MUC22: variants seen among roughly 807,000 people sequenced by gnomAD.
The protein encoded by MUC22 is mucin 22.
In MUC22, 24 loss-of-function variants were observed where a neutral mutation model predicts 40.3. The ratio of observed to expected loss-of-function variants is 0.60; its 90% CI spans 0.43 to 0.84. MUC22 has a LOEUF of 0.84. Ranked by LOEUF, MUC22 falls within the 40% of genes least tolerant of loss-of-function variation. The pLI, the probability that MUC22 is intolerant of heterozygous loss-of-function variation, is 0.00. For missense variants in MUC22, 1,926 were observed against 2,130.7 expected, an observed-to-expected ratio of 0.90 and a Z score of 1.89; for synonymous variants, 765 against 844.5, an observed-to-expected ratio of 0.91 and a Z score of 1.63.
intron 1 of MUC22, among the ~76,000 whole-genome samples, chr6:31,024,449 A>AT (rs9278843): frequency 6.0e-5 from 9 of 151,236 alleles, no homozygotes; most frequent in Admixed American, 2.0e-4. Context: ...AGAATTTGTG[A>AT]TTTTTTTTTT....
chr6:31,011,057 G>T lies in MUC22; in HGVS notation c.70+281G>T, dbSNP rs28360975. Among the ~76,000 whole-genome samples, 31,750 of 151,654 alleles carry T rather than the reference G, an allele frequency of 0.21. 4,129 individuals are homozygous for T. Among genetic ancestry groups the T allele is most frequent in the African/African-American group, 0.36 (15,006 of 41,218 alleles). On this transcript the variant is annotated intron_variant, in intron 1 of 3. Transcript: ENST00000561890. This position sits in a 1 kb window ranked among gnomAD's most constrained non-coding sequence, Gnocchi z 4.5. ...GTGGGGCGGTGCTGGGGAAATGGAG[G>T]GGGGTGAGATTTTACTTTCCTTTGT...
exon 2 of MUC22, chr6:31,028,827 C>T: frequency 6.5e-7 from 1 of 1,532,788 alleles, no homozygotes; most frequent in Non-Finnish European, 8.7e-7. Flanking sequence ...CTACCATAGG[C>T]TCTGAGACCA....
chr6:31,023,535 ACT>A (rs1765040430), intron 1 of MUC22, among the ~76,000 whole-genome samples: 1 of 152,084 alleles, frequency 6.6e-6, no homozygotes, highest in Non-Finnish European at 1.5e-5. Context: ...ACAGAGCAAG[ACT>A]CTGTCTCTAA....
Position 31,027,914 on chromosome 6 carries a change from ACT to A in MUC22, c.2486_2487del (p.Ser829TyrfsTer2). 6.6e-7 allele frequency: 1 copy of A among 1,508,170 alleles called. No individual in the cohort carries two copies. The allele number at this position is 1,508,170 out of a possible 1,614,324, so 93.4% of individuals were successfully genotyped here. A position where few individuals can be genotyped will look rare whatever the true frequency, so the allele number is the denominator to read the frequency against. ...ACCACAGGTGCTGAGACCACCACAG[ACT>A]CTACTGAAGGCTCTGGGACCACTGC... On this transcript the variant is annotated frameshift_variant, in exon 2 of 4. Transcript: ENST00000561890. LOFTEE classifies it high-confidence loss of function.
chr6:31,007,887 G>C (rs1763614318), upstream of MUC22, among the ~76,000 whole-genome samples: 2 of 152,186 alleles, frequency 1.3e-5, no homozygotes, highest in African/African-American at 4.8e-5. This position sits in a 1 kb window ranked among gnomAD's most constrained non-coding sequence, Gnocchi z 4.0. Flanking sequence ...GGACCAGTCA[G>C]CTCCACTCGA....
chr6:31,008,158 G>C (rs1763630328), upstream of MUC22, among the ~76,000 whole-genome samples: 1 of 152,216 alleles, frequency 6.6e-6, no homozygotes, highest in African/African-American at 2.4e-5. Context: ...AAGAGCACAG[G>C]CTCTGCAGCT....
chr6:31,014,843 T>A (rs944623823), intron 1 of MUC22, among the ~76,000 whole-genome samples: 4 of 152,144 alleles, frequency 2.6e-5, no homozygotes, highest in Non-Finnish European at 4.4e-5. Context: ...TTTGTATTAT[T>A]TTATGATACA....
At chr6:31,018,685 G>A (rs1301438791) in intron 1 of MUC22, among the ~76,000 whole-genome samples, 2 of 152,218 alleles carry the variant, frequency 1.3e-5, no homozygotes, top group African/African-American at 4.8e-5. Flanking sequence ...ATGCAAATCT[G>A]TTTTCAATAA....
chr6:31,014,376 A>G (rs983055382), intron 1 of MUC22, among the ~76,000 whole-genome samples: 30 of 117,912 alleles, frequency 2.5e-4, no homozygotes, highest in African/African-American at 8.5e-4. Flanking sequence ...GCCTCTGTCC[A>G]ACCAGAGCAA....
chr6:31,014,642 G>A (rs1467237783), intron 1 of MUC22, among the ~76,000 whole-genome samples: 2 of 152,140 alleles, frequency 1.3e-5, no homozygotes, highest in Non-Finnish European at 2.9e-5. Flanking sequence ...AGGAGATCCC[G>A]AAAGTGGCTT....
chr6:31,017,854 C>T (rs866504919), intron 1 of MUC22, among the ~76,000 whole-genome samples: 1 of 152,350 alleles, frequency 6.6e-6, no homozygotes. Context: ...CTTGGGTACT[C>T]TTCTATAGTG....
chr6:31,026,975 C>T (rs1765440432), exon 2 of MUC22: 2 of 1,493,760 alleles, frequency 1.3e-6, no homozygotes, highest in African/African-American at 1.4e-5. Flanking sequence ...GATTCTGAAA[C>T]CAACACAGCA....
At chr6:31,018,409 A>G (rs1581618287) in intron 1 of MUC22, among the ~76,000 whole-genome samples, 1 of 152,314 alleles carries the variant, frequency 6.6e-6, no homozygotes, top group East Asian at 1.9e-4. Flanking sequence ...ATTCCACAGA[A>G]TTAATAATCT....
rs532065538 is a variant in MUC22 at position 31,032,427 on chromosome 6, C to T, written c.4901C>T (p.Pro1634Leu). The change falls in exon 3 of 4, where the codon CCG becomes CTG. Residue 1634 changes from proline to leucine, a missense_variant. Coordinates refer to ENST00000561890, the Ensembl canonical transcript of MUC22. The surrounding 1 kb of genome is among the most constrained non-coding windows in gnomAD (Gnocchi z 4.1). The stretch of plus-strand genomic sequence containing the variant: ...AGCAGCACCTTCCAGGAAACAGGCC[C>T]GGTGTCCATGGGCACAAACACAGTT... 64 of 1,535,714 alleles carry T rather than the reference C, an allele frequency of 4.2e-5. No homozygotes were observed. The highest frequency in any genetic ancestry group is 2.1e-4 in the African/African-American group (15 of 73,164).
chr6:31,032,223 C>T lies in MUC22; in HGVS notation c.4697C>T (p.Thr1566Ile). Reference sequence around the variant, plus strand: ...ACCAGAACCACTGGAACCAGACTCACTGCCTCCAGCTCTGTCACCATGGCC... The same window carrying T: ...ACCAGAACCACTGGAACCAGACTCATTGCCTCCAGCTCTGTCACCATGGCC... Residue 1566 changes from threonine (T) to isoleucine (I), a missense_variant, in exon 3 of 4, where the codon ACT becomes ATT. Around this residue, in one of 3 missense-constraint regions of MUC22, gnomAD observed 610 missense variants for 714.6 expected, o/e 0.85. Transcript: ENST00000561890. This position sits in a 1 kb window ranked among gnomAD's most constrained non-coding sequence, Gnocchi z 4.1. 3.3e-6 allele frequency: 5 copies of T among 1,535,272 alleles called. No individual in the cohort carries two copies. The highest frequency in any genetic ancestry group is 4.4e-6 in the Non-Finnish European group (5 of 1,146,668).
At position 31,018,154 on chromosome 6, in the gene MUC22, G is replaced by T. The variant is rs949589880; in HGVS notation, c.71-7348G>T. On this transcript the variant is annotated intron_variant, in intron 1 of 3. Transcript: ENST00000561890. ...CAATTCTGGATACACTTTCACTCCTGCCTTCAGCAGTGCCTGGGATTACTG... is the reference window on the plus strand; with the variant it reads ...CAATTCTGGATACACTTTCACTCCTTCCTTCAGCAGTGCCTGGGATTACTG... Among the ~76,000 whole-genome samples, 4 of 152,198 alleles carry T rather than the reference G, an allele frequency of 2.6e-5. No homozygotes were observed. The East Asian group carries it at 7.7e-4, about 29-fold the overall frequency.
At chr6:31,030,167 C>T in intron 2 of MUC22, 67 bp downstream of exon 2, 2 of 1,427,296 alleles carry the variant, frequency 1.4e-6, no homozygotes, top group Non-Finnish European at 9.3e-7. Context: ...CAGCTGTTCA[C>T]CTGTTTCTAT....
At chr6:31,018,180 A>G (rs6910700) in intron 1 of MUC22, among the ~76,000 whole-genome samples, 58,627 of 152,064 alleles carry the variant, frequency 0.39, 11,526 homozygotes, top group East Asian at 0.47. Context: ...GGGATTACTG[A>G]TCTAGAGTTT....
At chr6:31,010,887 A>G in intron 1 of MUC22, 111 bp downstream of exon 1, 1 of 552,436 alleles carries the variant, frequency 1.8e-6, no homozygotes, top group Non-Finnish European at 3.1e-6. Context: ...AACAATGATG[A>G]TTCATTTTTT....
Sources: gnomAD v4.1 joint callset for allele counts (sites outside exome capture counted in the v4.1 genomes callset) on GRCh38, gnomAD v4.1.1 for gene constraint, gnomAD v4.1.1 regional missense constraint, Gnocchi (gnomAD v3.1) non-coding constraint, MANE v1.5 for transcripts, NCBI Gene and HGNC (gene_info 2026-07-23, HGNC 2026-07-21) for gene names.